Variants in ABCB4 observed in about 807,000 individuals in gnomAD.
ABCB4 encodes ATP binding cassette subfamily B member 4, also known as phosphatidylcholine translocator ABCB4.
ABCB4 carries 76 observed loss-of-function variants against 145.7 expected under a neutral mutation model. That is an observed-to-expected ratio of 0.52 (90% CI 0.43 to 0.63). The LOEUF is 0.63. Ranked by LOEUF, ABCB4 falls within the 30% of genes least tolerant of loss-of-function variation. The pLI is 0.00. For synonymous variants in ABCB4, 517 were observed against 566.8 expected (o/e 0.91, Z 1.25); for missense variants, 1,234 against 1,553.1 (o/e 0.79, Z 3.45).
the ABCB4 span, among the ~76,000 whole-genome samples, chr7:87,373,902 A>G: frequency 6.6e-6 from 1 of 152,112 alleles, no homozygotes; most frequent in African/African-American, 2.4e-5. Flanking sequence ...AAATCAAGTA[A>G]GAAGATAATT....
At chr7:87,409,889 T>C (rs1330464805) in intron 23 of ABCB4, among the ~76,000 whole-genome samples, 3 of 152,214 alleles carry the variant, frequency 2.0e-5, no homozygotes, top group African/African-American at 7.2e-5. Context: ...ATCATCACTG[T>C]AAATAATTTT....
intron 8 of ABCB4, 63 bp from the exon 9 acceptor site, chr7:87,447,268 A>C (rs1811414495): frequency 1.3e-6 from 2 of 1,525,406 alleles, no homozygotes; most frequent in East Asian, 4.6e-5. Flanking sequence ...TCCGAGTCAC[A>C]CTCGGCTCCT....
At chr7:87,397,214 G>C (rs979815063), downstream of ABCB4, among the ~76,000 whole-genome samples, 2 of 151,998 alleles carry the variant, frequency 1.3e-5, no homozygotes, top group African/African-American at 4.8e-5. Context: ...TAGCTGGTGT[G>C]GTAGCACACA....
chr7:87,392,982 C>T, the ABCB4 span: 6 of 1,613,654 alleles, frequency 3.7e-6, no homozygotes, highest in African/African-American at 8.0e-5. Flanking sequence ...CTCAACAAGT[C>T]TGGTTGGCTA....
At chr7:87,417,138 T>A (rs1406867469) in intron 21 of ABCB4, among the ~76,000 whole-genome samples, 174 bp downstream of exon 21, 3 of 152,246 alleles carry the variant, frequency 2.0e-5, no homozygotes, top group Admixed American at 6.5e-5. Flanking sequence ...AATCACCTTA[T>A]ATTTAAGTTC....
chr7:87,468,079 A>T (rs1394019121), intron 3 of ABCB4, among the ~76,000 whole-genome samples: 1 of 152,192 alleles, frequency 6.6e-6, no homozygotes, highest in African/African-American at 2.4e-5. Context: ...GACATAAAAA[A>T]CCCTTCAAAA....
intron 8 of ABCB4, chr7:87,448,592 G>T (rs1811500545): frequency 6.6e-6 from 1 of 152,280 alleles, no homozygotes; most frequent in Non-Finnish European, 1.5e-5. Flanking sequence ...AGTGACAGCA[G>T]CGGACACACT....
In ABCB4 at chr7:87,451,707, C is replaced by T. The variant is rs766004308; in HGVS notation, c.624G>A (p.Val208=). 1 of 1,614,166 alleles carries T rather than the reference C, an allele frequency of 6.2e-7. No homozygotes were observed. ...TGAGCTTCCATCCTCTGATGAATCC[C>T]ACTATGAATCCTGCAAAAAACGTGG... ...AVATFFAGFI[V]GFIRGWKLTL... is the part of the protein sequence containing the mutation. Residue 208 remains valine, a synonymous_variant, in exon 7 of 28, where the codon GTG becomes GTA. Transcript: ENST00000649586.
the ABCB4 span, among the ~76,000 whole-genome samples, chr7:87,370,078 A>G: frequency 6.6e-6 from 1 of 152,124 alleles, no homozygotes; most frequent in Non-Finnish European, 1.5e-5. Flanking sequence ...TTTGAAGATA[A>G]TCTGACATAA....
chr7:87,439,351 A>AT (rs1414176877), intron 14 of ABCB4, among the ~76,000 whole-genome samples: 1 of 152,142 alleles, frequency 6.6e-6, no homozygotes, highest in African/African-American at 2.4e-5. Flanking sequence ...CGGATTTAAA[A>AT]ATATATATAT....
Position 87,434,719 on chromosome 7 carries a change from G to A in ABCB4, c.1732-3154C>T, listed in dbSNP as rs183533389. ...GCCAAGATCACACCACTGCACTCCA[G>A]CCTGGAGACAGAGCGAGACTCCGTC... On this transcript the variant is annotated intron_variant, in intron 14 of 27. Transcript: ENST00000649586. 1.3e-3 allele frequency among the ~76,000 whole-genome samples: 199 copies of A among 152,212 alleles called. 2 individuals are homozygous for A. Among genetic ancestry groups the A allele is most frequent in the African/African-American group, 4.7e-3 (197 of 41,544 alleles).
intron 4 of ABCB4, among the ~76,000 whole-genome samples, chr7:87,462,154 T>C (rs984172691): frequency 1.3e-5 from 2 of 152,200 alleles, no homozygotes; most frequent in African/African-American, 4.8e-5. Context: ...GCCTCTCGTA[T>C]TGATAACATT....
At chr7:87,444,587 G>T (rs975662198) in intron 10 of ABCB4, among the ~76,000 whole-genome samples, 1 of 152,032 alleles carries the variant, frequency 6.6e-6, no homozygotes, top group African/African-American at 2.4e-5. Context: ...ATAAAAACTA[G>T]GAAGAGAAAC....
At chr7:87,406,100 T>C (rs908017386) in intron 26 of ABCB4, 188 bp downstream of exon 26, 4 of 641,634 alleles carry the variant, frequency 6.2e-6, no homozygotes. Context: ...CTCACTACAT[T>C]TGTATGAGGT....
intron 12 of ABCB4, among the ~76,000 whole-genome samples, chr7:87,442,747 G>A (rs190246512): frequency 4.6e-5 from 7 of 152,208 alleles, no homozygotes; most frequent in Admixed American, 3.3e-4. Flanking sequence ...GAGTTCTCTA[G>A]TTACAATTTT....
chr7:87,399,306 C>T (rs537705400), downstream of ABCB4: 5 of 152,476 alleles, frequency 3.3e-5, no homozygotes, highest in African/African-American at 1.2e-4. Context: ...AAGGTCCTGT[C>T]TCTACAAGAT....
At chr7:87,381,462 G>A in the ABCB4 span, among the ~76,000 whole-genome samples, 1 of 152,110 alleles carries the variant, frequency 6.6e-6, no homozygotes, top group African/African-American at 2.4e-5. Flanking sequence ...TATTCACTAA[G>A]TGGCCTAAGT....
Position 87,426,535 on chromosome 7 carries a change from C to T in ABCB4, c.2064+215G>A, listed in dbSNP as rs551808151. ...GCATCTCAGCGTAAAGACTACATTT[C>T]TGGATTTTTTTTCCCTTGAAAACCC... On this transcript the variant is annotated intron_variant, in intron 16 of 27. Coordinates refer to ENST00000649586, the MANE Select transcript of ABCB4 (RefSeq NM_000443.4). 2.7e-4 allele frequency among the ~76,000 whole-genome samples: 41 copies of T among 150,974 alleles called. 1 individual carries two copies. The highest frequency in any genetic ancestry group is 5.3e-4 in the Non-Finnish European group (36 of 67,620).
intron 4 of ABCB4, among the ~76,000 whole-genome samples, chr7:87,455,705 T>C (rs1812058058): frequency 1.3e-5 from 2 of 152,230 alleles, no homozygotes; most frequent in South Asian, 2.1e-4. Context: ...ACAGCATTGT[T>C]GAGAAAACAC....
Sources: gnomAD v4.1 joint callset for allele counts (sites outside exome capture counted in the v4.1 genomes callset) on GRCh38, gnomAD v4.1.1 for gene constraint, MANE v1.5 for transcripts, NCBI Gene and HGNC (gene_info 2026-07-23, HGNC 2026-07-21) for gene names.